Variants in C8orf34 observed in about 807,000 individuals in gnomAD.
C8orf34 encodes uncharacterized protein C8orf34.
In C8orf34, 65 loss-of-function variants were observed where a neutral mutation model predicts 68.3. The ratio of observed to expected loss-of-function variants is 0.95; its 90% CI spans 0.78 to 1.17. C8orf34 has a LOEUF of 1.17. C8orf34 is among the 50% of genes most tolerant of loss of function. The pLI, the probability that C8orf34 is intolerant of heterozygous loss-of-function variation, is 0.00. For missense variants in C8orf34, 664 were observed against 655.4 expected (o/e 1.01, Z -0.14); for synonymous variants, 244 against 241.2 (o/e 1.01, Z -0.11).
chr8:68,556,671 CA>C (rs2130116001), intron 7 of C8orf34, among the ~76,000 whole-genome samples: 1 of 152,224 alleles, frequency 6.6e-6, no homozygotes, highest in South Asian at 2.1e-4. Flanking sequence ...GACCATTACC[CA>C]GGGATCCTCG....
At chr8:68,459,734 A>G (rs1244929615) in intron 3 of C8orf34, among the ~76,000 whole-genome samples, 1 of 152,198 alleles carries the variant, frequency 6.6e-6, no homozygotes, top group Non-Finnish European at 1.5e-5. Flanking sequence ...ACTATTCACA[A>G]TAGAAAAGAT....
chr8:68,709,940 A>C (rs1821284425), intron 9 of C8orf34, among the ~76,000 whole-genome samples: 2 of 152,240 alleles, frequency 1.3e-5, no homozygotes, highest in Non-Finnish European at 2.9e-5. Context: ...CTGGATAGTT[A>C]GAAGATAAAC....
chr8:68,358,381 T>A (rs1047615094), intron 1 of C8orf34, among the ~76,000 whole-genome samples: 11 of 151,826 alleles, frequency 7.2e-5, no homozygotes, highest in Non-Finnish European at 1.6e-4. Flanking sequence ...TTTTCCCCAT[T>A]GTGTTGCCGG....
intron 10 of C8orf34, among the ~76,000 whole-genome samples, chr8:68,754,832 C>A (rs950138179): frequency 6.6e-6 from 1 of 152,126 alleles, no homozygotes; most frequent in Non-Finnish European, 1.5e-5. Flanking sequence ...TGAGGTAGAA[C>A]AAATTTTTCA....
At chr8:68,534,323 G>C (rs773332844) in intron 7 of C8orf34, 2 of 985,284 alleles carry the variant, frequency 2.0e-6, no homozygotes, top group East Asian at 1.1e-4. Context: ...CATGGCAGAC[G>C]TGCCCTATGT....
At chr8:68,427,581 T>C (rs1810281608) in intron 1 of C8orf34, among the ~76,000 whole-genome samples, 1 of 152,106 alleles carries the variant, frequency 6.6e-6, no homozygotes, top group African/African-American at 2.4e-5. Flanking sequence ...AGTGATAGCA[T>C]GAGAGTCTTT....
intron 1 of C8orf34, among the ~76,000 whole-genome samples, chr8:68,409,733 A>G (rs992607244): frequency 2.0e-5 from 3 of 152,200 alleles, no homozygotes; most frequent in Non-Finnish European, 4.4e-5. Flanking sequence ...CTAGGCCTTC[A>G]CATTCACTCG....
chr8:68,465,594 A>G (rs1354224150), intron 3 of C8orf34, among the ~76,000 whole-genome samples: 1 of 152,178 alleles, frequency 6.6e-6, no homozygotes, highest in Non-Finnish European at 1.5e-5. Context: ...AATGTGGCAC[A>G]TACACACCAT....
chr8:68,799,750 G>A (rs1392838294), intron 12 of C8orf34, among the ~76,000 whole-genome samples: 1 of 152,148 alleles, frequency 6.6e-6, no homozygotes, highest in Admixed American at 6.5e-5. Flanking sequence ...GAAGCATTAG[G>A]CACACTGTTT....
At chr8:68,451,206 T>A (rs1811329246) in intron 3 of C8orf34, among the ~76,000 whole-genome samples, 1 of 152,088 alleles carries the variant, frequency 6.6e-6, no homozygotes, top group South Asian at 2.1e-4. Flanking sequence ...GGACCTTGCT[T>A]TGGATTAGAC....
chr8:68,574,859 A>G (rs992141921), intron 7 of C8orf34, among the ~76,000 whole-genome samples: 1 of 152,006 alleles, frequency 6.6e-6, no homozygotes, highest in Non-Finnish European at 1.5e-5. Context: ...TGTGCTTGCT[A>G]GGGCTTTCTC....
At chr8:68,512,418 A>G (rs1247052448) in intron 5 of C8orf34, among the ~76,000 whole-genome samples, 1 of 152,192 alleles carries the variant, frequency 6.6e-6, no homozygotes, top group African/African-American at 2.4e-5. Flanking sequence ...CCTTTGAACC[A>G]TTCAAAAAGC....
intron 10 of C8orf34, among the ~76,000 whole-genome samples, chr8:68,736,027 T>C (rs1220038083): frequency 2.0e-5 from 3 of 152,210 alleles, no homozygotes; most frequent in Non-Finnish European, 4.4e-5. Context: ...AAAGCTGATG[T>C]TCTACATTTC....
intron 3 of C8orf34, among the ~76,000 whole-genome samples, chr8:68,465,003 G>C (rs1030972604): frequency 2.1e-4 from 31 of 150,736 alleles, no homozygotes; most frequent in Non-Finnish European, 4.0e-4. Flanking sequence ...TACCATCAGA[G>C]TGAACAGGCA....
At chr8:68,496,282 T>G (rs1187155927) in intron 5 of C8orf34, among the ~76,000 whole-genome samples, 1 of 152,164 alleles carries the variant, frequency 6.6e-6, no homozygotes, top group African/African-American at 2.4e-5. Context: ...TGCTAAGTGC[T>G]TTGAGGACAC....
At chr8:68,422,728 A>G (rs1810033463) in intron 1 of C8orf34, among the ~76,000 whole-genome samples, 1 of 152,112 alleles carries the variant, frequency 6.6e-6, no homozygotes, top group African/African-American at 2.4e-5. Context: ...TCCCTTCCAC[A>G]CTGCCCTAGC....
intron 3 of C8orf34, among the ~76,000 whole-genome samples, chr8:68,461,201 A>G (rs1191030158): frequency 6.6e-6 from 1 of 152,246 alleles, no homozygotes; most frequent in Non-Finnish European, 1.5e-5. Flanking sequence ...GTGATGGAAG[A>G]CGAAATGAAT....
intron 7 of C8orf34, among the ~76,000 whole-genome samples, chr8:68,617,158 C>A (rs7825929): frequency 2.6e-5 from 4 of 151,894 alleles, no homozygotes; most frequent in Admixed American, 1.3e-4. Context: ...TTCCTCCATC[C>A]TTTTATTTTG....
rs114175829 is a variant in C8orf34 at position 68,448,867 on chromosome 8, A to G, written c.607+2407A>G. Among the ~76,000 whole-genome samples the G allele has an allele frequency of 9.0e-3, 1,376 of 152,164 alleles. 28 individuals are homozygous for G. The highest frequency in any genetic ancestry group is 0.031 in the African/African-American group (1,302 of 41,574). ...GCCTATATGGCTAAAGTAATATCAA[A>G]CCAAATAAAAATTTAAGATAAAGGA... On this transcript the variant is annotated intron_variant, in intron 3 of 13. Coordinates refer to ENST00000518698, the MANE Select transcript of C8orf34 (RefSeq NM_052958.4).
Sources: gnomAD v4.1 joint callset for allele counts (sites outside exome capture counted in the v4.1 genomes callset) on GRCh38, gnomAD v4.1.1 for gene constraint, MANE v1.5 for transcripts, NCBI Gene and HGNC (gene_info 2026-07-23, HGNC 2026-07-21) for gene names.